The following CADM2 variants were observed in gnomAD, a reference collection of about 807,000 sequenced individuals.
CADM2 encodes immunoglobulin superfamily member 4D.
In CADM2, 12 loss-of-function variants were observed where a neutral mutation model predicts 49.8. The ratio of observed to expected loss-of-function variants is 0.24; its 90% CI spans 0.15 to 0.39. CADM2 has a LOEUF of 0.39. CADM2 is among the 10% of genes least tolerant of loss of function. The pLI is 1.00. For missense variants in CADM2, 378 were observed against 492.3 expected (o/e 0.77, Z 2.20); for synonymous variants, 214 against 175.4 (o/e 1.22, Z -1.74).
At chr3:85,150,738 TA>T (rs575341509) in intron 1 of CADM2, among the ~76,000 whole-genome samples, 42 of 142,072 alleles carry the variant, frequency 3.0e-4, no homozygotes, top group Admixed American at 4.3e-4. Flanking sequence ...CCGTCTCTAC[TA>T]AAAAAAAAAG....
chr3:85,632,413 T>A (rs2064341539), intron 1 of CADM2, among the ~76,000 whole-genome samples: 1 of 152,076 alleles, frequency 6.6e-6, no homozygotes, highest in Non-Finnish European at 1.5e-5. Flanking sequence ...ACTTCTTAAA[T>A]AAATTAGGCA....
intron 3 of CADM2, among the ~76,000 whole-genome samples, chr3:85,872,134 T>A (rs530201888): frequency 4.7e-4 from 71 of 152,314 alleles, no homozygotes; most frequent in African/African-American, 1.6e-3. Flanking sequence ...CAAGGCCAAG[T>A]CAAGCTCAAA....
At chr3:85,610,352 T>TA (rs1265662625) in intron 1 of CADM2, among the ~76,000 whole-genome samples, 1 of 152,086 alleles carries the variant, frequency 6.6e-6, no homozygotes, top group South Asian at 2.1e-4. Flanking sequence ...TGGCTGTTTT[T>TA]AAAAAATTAT....
chr3:85,519,876 A>G (rs62250759), intron 1 of CADM2, among the ~76,000 whole-genome samples: 45,125 of 151,952 alleles, frequency 0.3, 7,951 homozygotes, highest in East Asian at 0.55. Context: ...GTTTTATTTT[A>G]TCTTTATACC....
chr3:84,987,215 G>A (rs2032624556), intron 1 of CADM2, among the ~76,000 whole-genome samples: 1 of 151,776 alleles, frequency 6.6e-6, no homozygotes, highest in Admixed American at 6.6e-5. Context: ...CGCGATCTCG[G>A]CTCACTGAAA....
chr3:85,313,920 T>C (rs1232692416), intron 1 of CADM2, among the ~76,000 whole-genome samples: 3 of 152,226 alleles, frequency 2.0e-5, no homozygotes, highest in African/African-American at 7.2e-5. Context: ...AGATGGAGTC[T>C]CTCTCTGTCA....
intron 8 of CADM2, among the ~76,000 whole-genome samples, chr3:86,041,692 G>C (rs568336760): frequency 6.6e-6 from 1 of 152,166 alleles, no homozygotes; most frequent in Admixed American, 6.5e-5. Flanking sequence ...AGTTAACAAG[G>C]GTATCCAGGA....
intron 8 of CADM2, among the ~76,000 whole-genome samples, chr3:86,010,530 TA>T (rs1382407183): frequency 2.0e-5 from 3 of 151,298 alleles, no homozygotes; most frequent in Non-Finnish European, 3.0e-5. Flanking sequence ...AATCTTCAAT[TA>T]AAAAATACCT....
At chr3:85,633,519 C>G (rs1210205390) in intron 1 of CADM2, among the ~76,000 whole-genome samples, 1 of 151,968 alleles carries the variant, frequency 6.6e-6, no homozygotes, top group Non-Finnish European at 1.5e-5. Context: ...ATACTAATGT[C>G]CAGGCCCCTC....
At chr3:85,159,351 C>G (rs2040243697) in intron 1 of CADM2, among the ~76,000 whole-genome samples, 1 of 136,426 alleles carries the variant, frequency 7.3e-6, no homozygotes, top group African/African-American at 3.7e-5. Context: ...CCATCTTCCC[C>G]AGGAGTTCTG....
chr3:85,998,237 A>G (rs375767733), intron 8 of CADM2, among the ~76,000 whole-genome samples: 2 of 152,160 alleles, frequency 1.3e-5, no homozygotes, highest in Admixed American at 6.5e-5. Flanking sequence ...TTGAAAAACT[A>G]TTTTCATACT....
At chr3:85,078,645 T>C (rs765179060) in intron 1 of CADM2, among the ~76,000 whole-genome samples, 17 of 151,838 alleles carry the variant, frequency 1.1e-4, no homozygotes, top group Non-Finnish European at 1.6e-4. Flanking sequence ...AAGATCATAG[T>C]GAATAGATGT....
chr3:85,839,226 C>T (rs1321168747), intron 3 of CADM2, among the ~76,000 whole-genome samples: 2 of 151,688 alleles, frequency 1.3e-5, no homozygotes, highest in Middle Eastern at 3.2e-3. Flanking sequence ...AAAGCTGCTC[C>T]GATTTTTTTC....
intron 1 of CADM2, among the ~76,000 whole-genome samples, chr3:85,106,963 G>A (rs2038250605): frequency 1.3e-5 from 2 of 152,104 alleles, no homozygotes; most frequent in Non-Finnish European, 2.9e-5. Context: ...TAGATCATTT[G>A]GAAGTATCCA....
At chr3:85,424,453 A>G (rs1020810782) in intron 1 of CADM2, among the ~76,000 whole-genome samples, 5 of 152,072 alleles carry the variant, frequency 3.3e-5, no homozygotes, top group Admixed American at 3.3e-4. Context: ...TTTATACATA[A>G]AACTACTATT....
At chr3:85,533,783 A>G (rs2061370296) in intron 1 of CADM2, among the ~76,000 whole-genome samples, 1 of 152,178 alleles carries the variant, frequency 6.6e-6, no homozygotes, top group Non-Finnish European at 1.5e-5. Context: ...TTTGATCTTT[A>G]GCCAGTTCAG....
intron 1 of CADM2, among the ~76,000 whole-genome samples, chr3:85,542,455 C>A (rs2061571971): frequency 6.6e-6 from 1 of 152,074 alleles, no homozygotes; most frequent in Admixed American, 6.6e-5. Flanking sequence ...ATCCTATCAC[C>A]TTTTCATCTC....
chr3:85,927,291 C>T (rs1719995836), intron 6 of CADM2, among the ~76,000 whole-genome samples: 1 of 152,124 alleles, frequency 6.6e-6, no homozygotes, highest in Non-Finnish European at 1.5e-5. Flanking sequence ...TATTCTAGGA[C>T]ATGAGGATAA....
chr3:85,008,104 C>T lies in CADM2; in HGVS notation c.61+48436C>T, dbSNP rs78535351. 7.8e-3 allele frequency among the ~76,000 whole-genome samples: 1,182 copies of T among 152,262 alleles called. 17 individuals are homozygous for T. Among genetic ancestry groups the T allele is most frequent in the African/African-American group, 0.028 (1,145 of 41,548 alleles). The stretch of plus-strand genomic sequence containing the variant: ...GCAGTTGGCTCAACTACCTAAAACA[C>T]TGCCATTGGCTCATGAAAATTATGT... On this transcript the variant is annotated intron_variant, in intron 1 of 9. Transcript: ENST00000383699.
Sources: allele counts gnomAD v4.1 joint callset (sites outside exome capture counted in the v4.1 genomes callset), GRCh38; gene constraint gnomAD v4.1.1; transcripts MANE v1.5; gene names NCBI Gene and HGNC (gene_info 2026-07-23, HGNC 2026-07-21).